BICRAL: variants seen among roughly 807,000 people sequenced by gnomAD.
BICRAL encodes BRD4-interacting chromatin-remodeling complex-associated protein-like.
A neutral mutation model predicts 91.8 loss-of-function variants in BICRAL; 8 were observed. The ratio of observed to expected loss-of-function variants is 0.09; its 90% CI spans 0.05 to 0.16. The LOEUF is 0.16. Ranked by LOEUF, BICRAL falls within the 10% of genes least tolerant of loss-of-function variation. The pLI is 1.00. For missense variants in BICRAL, 1,038 were observed against 1,310.9 expected, an observed-to-expected ratio of 0.79 and a Z score of 3.21; for synonymous variants, 445 against 491.1, an observed-to-expected ratio of 0.91 and a Z score of 1.24.
chr6:42,828,385 A>G, intron 5 of BICRAL, 108 bp from the exon 6 acceptor site: 1 of 929,492 alleles, frequency 1.1e-6, no homozygotes, highest in East Asian at 2.7e-5. Flanking sequence ...TGGGTGACAG[A>G]GCGAGACTCC....
intron 1 of BICRAL, among the ~76,000 whole-genome samples, chr6:42,775,955 C>T (rs1411686839): frequency 1.3e-5 from 2 of 152,180 alleles, no homozygotes; most frequent in African/African-American, 2.4e-5. Context: ...ACAACAACAA[C>T]CACAACAATA....
chr6:42,831,607 C>T lies in BICRAL; in HGVS notation c.1839+1435C>T, dbSNP rs74338891. 2.6e-4 allele frequency among the ~76,000 whole-genome samples: 39 copies of T among 152,316 alleles called. No homozygotes were observed. In the East Asian group the frequency reaches 7.5e-3, roughly 29 times the overall value. On this transcript the variant is annotated intron_variant, in intron 6 of 12. Transcript: ENST00000314073. ...TGAGCATGCTCCATAGTTCCAGCTC[C>T]TCCTCTTCTCATCTGGGAGGACCCA...
chr6:42,857,802 A>ATTTTTTTT (rs1161596399), intron 10 of BICRAL, among the ~76,000 whole-genome samples: 17 of 73,682 alleles, frequency 2.3e-4, no homozygotes, highest in African/African-American at 5.0e-4. Context: ...CATACCCTGA[A>ATTTTTTTT]TTTTTTTTTT....
intron 1 of BICRAL, among the ~76,000 whole-genome samples, chr6:42,773,727 C>G (rs1055996548): frequency 6.6e-6 from 1 of 151,872 alleles, no homozygotes; most frequent in African/African-American, 2.4e-5. Context: ...GTTGGCCAGG[C>G]TGGTCTCAAA....
At chr6:42,759,925 G>A (rs1486973485) in intron 1 of BICRAL, among the ~76,000 whole-genome samples, 2 of 152,146 alleles carry the variant, frequency 1.3e-5, no homozygotes, top group Non-Finnish European at 2.9e-5. Context: ...TGGGACACAG[G>A]AGGTACACAG....
At chr6:42,795,617 T>C (rs919458484) in intron 1 of BICRAL, among the ~76,000 whole-genome samples, 1 of 152,182 alleles carries the variant, frequency 6.6e-6, no homozygotes, top group East Asian at 1.9e-4. Context: ...CTTTAGGACA[T>C]AAGAGGCTGT....
chr6:42,760,064 G>C (rs1318909413), intron 1 of BICRAL, among the ~76,000 whole-genome samples: 1 of 146,850 alleles, frequency 6.8e-6, no homozygotes, highest in Non-Finnish European at 1.5e-5. Context: ...GACTAACATG[G>C]TGAAAGCCCG....
At chr6:42,770,761 A>T (rs1762707385) in intron 1 of BICRAL, among the ~76,000 whole-genome samples, 1 of 146,904 alleles carries the variant, frequency 6.8e-6, no homozygotes, top group Non-Finnish European at 1.5e-5. Flanking sequence ...CGCAATTTCC[A>T]CTCACTGTAG....
intron 1 of BICRAL, among the ~76,000 whole-genome samples, chr6:42,753,765 C>T (rs1336644398): frequency 6.6e-6 from 1 of 152,138 alleles, no homozygotes; most frequent in African/African-American, 2.4e-5. Flanking sequence ...GTGTGCGCCA[C>T]CACACCCAGC....
At chr6:42,756,919 T>TCC (rs780265578) in intron 1 of BICRAL, among the ~76,000 whole-genome samples, 112 of 69,366 alleles carry the variant, frequency 1.6e-3, no homozygotes, top group African/African-American at 5.7e-3. Flanking sequence ...TCTCTCCCTC[T>TCC]CCCCCCCCCC....
intron 1 of BICRAL, among the ~76,000 whole-genome samples, chr6:42,751,291 C>T (rs61139861): frequency 0.04 from 6,095 of 152,178 alleles, 392 homozygotes; most frequent in African/African-American, 0.14. Context: ...CCTTAAATCA[C>T]TTTCACTGTG....
intron 6 of BICRAL, among the ~76,000 whole-genome samples, chr6:42,830,760 C>T (rs1458268296): frequency 6.6e-6 from 1 of 152,042 alleles, no homozygotes; most frequent in Non-Finnish European, 1.5e-5. Flanking sequence ...TGACTACAAG[C>T]ACATACCAGC....
At chr6:42,781,818 A>C (rs916653939), upstream of BICRAL, 3 of 149,378 alleles carry the variant, frequency 2.0e-5, no homozygotes, top group Non-Finnish European at 3.0e-5. Context: ...AAAAAATCCT[A>C]ATCTCCACAT....
At chr6:42,849,465 A>C (rs568368009) in intron 6 of BICRAL, among the ~76,000 whole-genome samples, 47 of 145,930 alleles carry the variant, frequency 3.2e-4, no homozygotes, top group African/African-American at 1.2e-3. Context: ...TTTTTGAGAC[A>C]GTCTCACTCT....
At chr6:42,864,560 G>T (rs1048193781) in intron 12 of BICRAL, 99 bp from the exon 13 acceptor site, 7 of 887,140 alleles carry the variant, frequency 7.9e-6, no homozygotes, top group African/African-American at 1.7e-5. Context: ...TCTGTGAGTG[G>T]GGCTGGCTTT....
Position 42,797,330 on chromosome 6 carries a change from C to T in BICRAL, c.-101-12976C>T, listed in dbSNP as rs116442357. 6.2e-3 allele frequency among the ~76,000 whole-genome samples: 941 copies of T among 151,934 alleles called. 10 individuals are homozygous for T. The highest frequency in any genetic ancestry group is 0.022 in the African/African-American group (910 of 41,424). ...AGTGGAAGGCTGGGAAGGGACCTTGCGATCAGTTTGTGAAATGCAGTAAAT... is the reference window on the plus strand; with the variant it reads ...AGTGGAAGGCTGGGAAGGGACCTTGTGATCAGTTTGTGAAATGCAGTAAAT... On this transcript the variant is annotated intron_variant, in intron 1 of 12. Transcript: ENST00000314073.
At chr6:42,783,587 C>G (rs1763005267) in intron 1 of BICRAL, among the ~76,000 whole-genome samples, 1 of 152,136 alleles carries the variant, frequency 6.6e-6, no homozygotes, top group Non-Finnish European at 1.5e-5. Flanking sequence ...CCGGGGCTAG[C>G]GGGAGCCGAG....
At chr6:42,824,583 A>G (rs371231024) in intron 5 of BICRAL, among the ~76,000 whole-genome samples, 1 of 152,168 alleles carries the variant, frequency 6.6e-6, no homozygotes, top group Admixed American at 6.6e-5. Context: ...ATCTCAAGTG[A>G]TCCCCGCCCC....
At chr6:42,779,223 AACACACACACACACACACACACACAC>A (rs57493144), upstream of BICRAL, among the ~76,000 whole-genome samples, 862 of 132,524 alleles carry the variant, frequency 6.5e-3, 7 homozygotes, top group African/African-American at 0.022. Flanking sequence ...TCTCAAGAAA[AACACACACACACACACACACACACAC>A]ACACACACAC....
Sources: allele counts gnomAD v4.1 joint callset (sites outside exome capture counted in the v4.1 genomes callset), GRCh38; gene constraint gnomAD v4.1.1; transcripts MANE v1.5; gene names NCBI Gene and HGNC (gene_info 2026-07-23, HGNC 2026-07-21).